Variants in SLC41A2 observed in about 807,000 individuals in gnomAD.
The protein encoded by SLC41A2 is SLC41A1-like 1.
SLC41A2 carries 32 observed loss-of-function variants against 58.3 expected under a neutral mutation model. That is an observed-to-expected ratio of 0.55 (90% CI 0.41 to 0.74). SLC41A2 has a LOEUF of 0.74. Ranked by LOEUF, SLC41A2 falls within the 30% of genes least tolerant of loss-of-function variation. The pLI, the probability that SLC41A2 is intolerant of heterozygous loss-of-function variation, is 0.00. For missense variants in SLC41A2, 514 were observed against 680.6 expected (o/e 0.76, Z 2.72); for synonymous variants, 190 against 235.0 (o/e 0.81, Z 1.75).
chr12:104,905,468 G>C (rs555162531), intron 3 of SLC41A2, among the ~76,000 whole-genome samples: 82 of 152,340 alleles, frequency 5.4e-4, no homozygotes, highest in African/African-American at 1.9e-3. Flanking sequence ...ATCCCGCACC[G>C]GGGCTGCAGG....
At chr12:104,826,047 C>T (rs2041832458) in intron 10 of SLC41A2, among the ~76,000 whole-genome samples, 1 of 152,210 alleles carries the variant, frequency 6.6e-6, no homozygotes, top group Non-Finnish European at 1.5e-5. Context: ...CTCGCTTTCT[C>T]TCTCCATCAC....
intron 1 of SLC41A2, among the ~76,000 whole-genome samples, chr12:104,932,624 C>CAAAAAAAAA (rs544329617): frequency 0.011 from 520 of 46,034 alleles, 28 homozygotes; most frequent in East Asian, 0.072. Flanking sequence ...GACTTTGTCT[C>CAAAAAAAAA]AAAAAAAAAA....
chr12:104,846,996 A>G (rs2042620046), intron 8 of SLC41A2, among the ~76,000 whole-genome samples: 1 of 152,194 alleles, frequency 6.6e-6, no homozygotes, highest in Non-Finnish European at 1.5e-5. Flanking sequence ...GGAAAAAGCA[A>G]TAAAGAATAT....
At chr12:104,943,963 G>A (rs764988206) in intron 1 of SLC41A2, among the ~76,000 whole-genome samples, 3 of 151,800 alleles carry the variant, frequency 2.0e-5, no homozygotes, top group African/African-American at 2.4e-5. Context: ...CCAGGCATTC[G>A]AGGCAGCAAC....
intron 10 of SLC41A2, among the ~76,000 whole-genome samples, chr12:104,837,925 T>C (rs369830664): frequency 2.6e-5 from 4 of 152,142 alleles, no homozygotes; most frequent in East Asian, 1.9e-4. Flanking sequence ...ACAAAATAAG[T>C]AGCAAAGAAG....
rs2046146582 is a variant in SLC41A2, at chr12:104,912,886, G to A, written c.556-3124C>T. On this transcript the variant is annotated intron_variant, in intron 2 of 10. Coordinates refer to ENST00000258538, the MANE Select transcript of SLC41A2 (RefSeq NM_001352171.3). Reference sequence around the variant, plus strand: ...TCTGCATCAGCCAGTGTCTGCTGCAGAACTGACTGCTTGCTTGGTGTGTAG... The same window carrying A: ...TCTGCATCAGCCAGTGTCTGCTGCAAAACTGACTGCTTGCTTGGTGTGTAG... Among the ~76,000 whole-genome samples, 3 of 152,296 alleles carry A rather than the reference G, an allele frequency of 2.0e-5. No homozygotes were observed. The South Asian group carries it at 6.2e-4, about 32-fold the overall frequency.
intron 6 of SLC41A2, among the ~76,000 whole-genome samples, chr12:104,867,812 C>G (rs1355873691): frequency 6.6e-6 from 1 of 151,158 alleles, no homozygotes; most frequent in African/African-American, 2.4e-5. Context: ...TGCTACAACC[C>G]TTACCCCAAC....
chr12:104,855,421 CTG>C (rs1046871339), intron 8 of SLC41A2, among the ~76,000 whole-genome samples: 1 of 152,140 alleles, frequency 6.6e-6, no homozygotes, highest in African/African-American at 2.4e-5. Context: ...GTGCTTTTCT[CTG>C]TGTTATTACT....
At chr12:104,869,455 A>C (rs1471487031) in intron 6 of SLC41A2, among the ~76,000 whole-genome samples, 1 of 152,232 alleles carries the variant, frequency 6.6e-6, no homozygotes, top group Non-Finnish European at 1.5e-5. Flanking sequence ...CCTTAGGTGA[A>C]TCCAGATAAA....
Position 104,842,730 on chromosome 12 carries a change from G to T in SLC41A2, c.1536+1742C>A, listed in dbSNP as rs927140227. ...AGACTTTAGATCAGAGGTTTAAAAG[G>T]CATGTAGGTACACAGTGGATATATG... On this transcript the variant is annotated intron_variant, in intron 10 of 10. Coordinates refer to ENST00000258538, the MANE Select transcript of SLC41A2 (RefSeq NM_001352171.3). 5.3e-4 allele frequency among the ~76,000 whole-genome samples: 80 copies of T among 152,090 alleles called. 1 individual carries two copies. The highest frequency in any genetic ancestry group is 1.2e-3 in the South Asian group (6 of 4,816).
intron 6 of SLC41A2, among the ~76,000 whole-genome samples, chr12:104,877,100 A>C (rs2044085933): frequency 6.6e-6 from 1 of 152,232 alleles, no homozygotes; most frequent in South Asian, 2.1e-4. Flanking sequence ...CTATCATAAA[A>C]TCCTCTTTTT....
chr12:104,843,180 T>G (rs566309128), intron 10 of SLC41A2, among the ~76,000 whole-genome samples: 276 of 152,174 alleles, frequency 1.8e-3, no homozygotes, highest in Non-Finnish European at 3.2e-3. Flanking sequence ...AACTCAGTAC[T>G]TACATTATAG....
intron 1 of SLC41A2, among the ~76,000 whole-genome samples, chr12:104,943,844 TA>T (rs1310966364): frequency 6.6e-6 from 1 of 151,982 alleles, no homozygotes; most frequent in African/African-American, 2.4e-5. Context: ...AATCAGGTAG[TA>T]AAGAGAGCTC....
intron 10 of SLC41A2, among the ~76,000 whole-genome samples, chr12:104,813,691 C>T (rs916787751): frequency 1.3e-5 from 2 of 152,146 alleles, no homozygotes; most frequent in East Asian, 1.9e-4. Flanking sequence ...GCTAGAGTAC[C>T]GTGGCATAAT....
At chr12:104,918,643 A>C (rs531889768) in intron 2 of SLC41A2, among the ~76,000 whole-genome samples, 212 of 151,512 alleles carry the variant, frequency 1.4e-3, no homozygotes, top group Non-Finnish European at 2.4e-3. Context: ...AAAAAAAAAA[A>C]AAAACTAAAA....
At chr12:104,915,697 C>T (rs563865995) in intron 2 of SLC41A2, among the ~76,000 whole-genome samples, 101 of 152,302 alleles carry the variant, frequency 6.6e-4, no homozygotes, top group Admixed American at 2.0e-3. Context: ...TCTAGATATA[C>T]AATCATGTCA....
intron 6 of SLC41A2, among the ~76,000 whole-genome samples, chr12:104,880,283 T>G (rs1404428872): frequency 6.6e-6 from 1 of 152,234 alleles, no homozygotes; most frequent in African/African-American, 2.4e-5. Context: ...TGACTTCCTC[T>G]CTTCCTATTG....
At chr12:104,817,901 A>G (rs76652954) in intron 10 of SLC41A2, among the ~76,000 whole-genome samples, 2,788 of 152,104 alleles carry the variant, frequency 0.018, 103 homozygotes, top group African/African-American at 0.063. Context: ...ATGCAATCAT[A>G]TATGTGGTCT....
rs955608326 is a variant in SLC41A2, at chr12:104,808,528, C to CT, written c.1537-3192dup. On this transcript the variant is annotated intron_variant, in intron 10 of 10. Transcript: ENST00000258538. The stretch of plus-strand genomic sequence containing the variant: ...ATTAGGGATATTGGTCTAAAATTCT[C>CT]TTTTTTTGTTGTGTCTCTGCCCAGC... Among the ~76,000 whole-genome samples the CT allele has an allele frequency of 1.2e-4, 19 of 152,228 alleles. No homozygotes were observed. In the East Asian group the frequency reaches 1.7e-3, roughly 14 times the overall value.
Sources: gnomAD v4.1 joint callset for allele counts (sites outside exome capture counted in the v4.1 genomes callset) on GRCh38, gnomAD v4.1.1 for gene constraint, MANE v1.5 for transcripts, NCBI Gene and HGNC (gene_info 2026-07-23, HGNC 2026-07-21) for gene names.